KMT2C: variants seen among roughly 807,000 people sequenced by gnomAD.
The protein encoded by KMT2C is histone-lysine N-methyltransferase 2C.
In KMT2C, 88 loss-of-function variants were observed where a neutral mutation model predicts 507.9. That is an observed-to-expected ratio of 0.17 (90% confidence interval 0.15 to 0.21). KMT2C has a LOEUF of 0.21. Among genes scored for constraint, KMT2C ranks in the 10% least tolerant of loss-of-function variants. The probability of loss-of-function intolerance (pLI) is 1.00; values close to 1 mark genes in which losing one functional copy is unlikely to be tolerated. For missense variants in KMT2C, 4,954 were observed against 5,957.8 expected (o/e 0.83, Z 5.55); for synonymous variants, 2,049 against 2,080.8 (o/e 0.98, Z 0.42).
chr7:152,280,009 G>A (rs1355169026), intron 6 of KMT2C, among the ~76,000 whole-genome samples: 13 of 152,306 alleles, frequency 8.5e-5, no homozygotes, highest in Admixed American at 2.0e-4. Context: ...GAATTCTGCA[G>A]ATGTGATTAA....
intron 1 of KMT2C, among the ~76,000 whole-genome samples, chr7:152,378,081 C>A (rs971882695): frequency 5.9e-5 from 9 of 152,244 alleles, no homozygotes; most frequent in Middle Eastern, 3.4e-3. Context: ...AAAGTGGTTT[C>A]TTAAAGATGG....
chr7:152,138,760 G>T lies in KMT2C; in HGVS notation c.14643+36C>A. 1 of 1,304,116 alleles carries T rather than the reference G, an allele frequency of 7.7e-7. No individual in the cohort carries two copies. The highest frequency in any genetic ancestry group is 1.3e-5 in the South Asian group (1 of 75,024). The allele number at this position is 1,304,116 out of a possible 1,614,324, so 80.8% of individuals were successfully genotyped here. On this transcript the variant is annotated intron_variant, in intron 58 of 58. Transcript: ENST00000262189. The surrounding 1 kb of genome is among the most constrained non-coding windows in gnomAD (Gnocchi z 4.2). ...GGAGGGAACTATTCGCCCAGGATCT[G>T]AACAACATGGCAGATGCAATCTCTC...
At chr7:152,418,651 C>A (rs1259985214) in intron 1 of KMT2C, among the ~76,000 whole-genome samples, 1 of 151,776 alleles carries the variant, frequency 6.6e-6, no homozygotes, top group Admixed American at 6.6e-5. Flanking sequence ...AGGCTGGTCT[C>A]GAACTCCTGA....
intron 27 of KMT2C, among the ~76,000 whole-genome samples, chr7:152,198,648 A>G (rs2094037263): frequency 6.6e-6 from 1 of 152,158 alleles, no homozygotes; most frequent in Non-Finnish European, 1.5e-5. Context: ...CTGATTGTTA[A>G]TAGTTCCTGC....
intron 7 of KMT2C, among the ~76,000 whole-genome samples, chr7:152,268,193 C>T (rs1288489655): frequency 6.6e-6 from 1 of 152,110 alleles, no homozygotes; most frequent in Non-Finnish European, 1.5e-5. Context: ...GCAGGAGAAT[C>T]GCTTGAACTC....
Position 152,263,235 on chromosome 7 carries a change from T to C in KMT2C, c.1185-105A>G, listed in dbSNP as rs2095808970. 9.2e-6 allele frequency: 8 copies of C among 870,456 alleles called. No individual in the cohort carries two copies. In the South Asian group the frequency reaches 1.1e-4, roughly 12 times the overall value. 53.9% of individuals were successfully genotyped at this position (870,456 alleles called of 1,614,324 possible). On this transcript the variant is annotated intron_variant, in intron 8 of 58. Transcript: ENST00000262189. ...TCCTGGGAACTGCACAGTTCATAAA[T>C]ACCTCAGTATCTGTTTTGTCTCTGC...
chr7:152,143,175 C>T (rs566682244), intron 55 of KMT2C, among the ~76,000 whole-genome samples: 10 of 152,304 alleles, frequency 6.6e-5, no homozygotes, highest in African/African-American at 2.2e-4. Context: ...AGAGGCAAAG[C>T]ACTAATTCAC....
chr7:152,264,267 A>G (rs2095826409), intron 8 of KMT2C, among the ~76,000 whole-genome samples: 1 of 152,198 alleles, frequency 6.6e-6, no homozygotes, highest in East Asian at 1.9e-4. Context: ...CAGACTGATC[A>G]TGGCAGTTGG....
intron 16 of KMT2C, among the ~76,000 whole-genome samples, chr7:152,231,580 A>G (rs2095114934): frequency 6.6e-6 from 1 of 152,240 alleles, no homozygotes; most frequent in South Asian, 2.1e-4. Flanking sequence ...CAGGAGTTCG[A>G]GACCAGCCTG....
chr7:152,296,787 A>G (rs917499012), intron 6 of KMT2C, among the ~76,000 whole-genome samples: 3 of 151,954 alleles, frequency 2.0e-5, no homozygotes, highest in African/African-American at 7.3e-5. Flanking sequence ...AATTCTGACC[A>G]AGATGGAGTC....
intron 15 of KMT2C, among the ~76,000 whole-genome samples, chr7:152,237,141 C>G (rs2095291365): frequency 6.6e-6 from 1 of 151,900 alleles, no homozygotes; most frequent in Non-Finnish European, 1.5e-5. Flanking sequence ...TTAAAATTAT[C>G]CAGATGCTCA....
chr7:152,286,692 A>G (rs2096303129), intron 6 of KMT2C, among the ~76,000 whole-genome samples: 1 of 152,194 alleles, frequency 6.6e-6, no homozygotes, highest in African/African-American at 2.4e-5. Context: ...ACATAAGACA[A>G]ACAAAAGAAG....
At chr7:152,279,559 G>T (rs1199418799) in intron 6 of KMT2C, among the ~76,000 whole-genome samples, 3 of 152,226 alleles carry the variant, frequency 2.0e-5, no homozygotes, top group Non-Finnish European at 4.4e-5. Flanking sequence ...CCTAATCTAT[G>T]AAATTATTCT....
chr7:152,263,124 C>A lies in KMT2C; in HGVS notation c.1191G>T (p.Ser397=). The change falls in exon 9 of 59, where the codon TCG becomes TCT. Residue 397 remains serine (S), a synonymous_variant. Transcript: ENST00000262189. The part of the protein sequence containing the change: ...ECKVCQNCKQ[S]GEDSKMLVCD... ...ACACTAGCATCTTGCTATCTTCTCCCGATTGTCTAAAAAATAAGATAGCAT... is the reference window on the plus strand; with the variant it reads ...ACACTAGCATCTTGCTATCTTCTCCAGATTGTCTAAAAAATAAGATAGCAT... The A allele has an allele frequency of 6.8e-6, 11 of 1,607,070 alleles. No individual in the cohort carries two copies. The highest frequency in any genetic ancestry group is 9.3e-6 in the Non-Finnish European group (11 of 1,178,242).
At chr7:152,156,462 C>T (rs2092053713) in intron 44 of KMT2C, 116 bp from the exon 45 acceptor site, 1 of 1,293,452 alleles carries the variant, frequency 7.7e-7, no homozygotes. Context: ...GAAATGTAAT[C>T]AAGATGTATC....
rs543259805 is a variant in KMT2C at position 152,284,034 on chromosome 7, G to T, written c.850-10167C>A. Among the ~76,000 whole-genome samples, 306 of 152,142 alleles carry T rather than the reference G, an allele frequency of 2.0e-3. 1 individual carries two copies. Among genetic ancestry groups the T allele is most frequent in the Middle Eastern group, 6.8e-3 (2 of 294 alleles). Reference sequence around the variant, plus strand: ...ATTTAATACTAGTACACTTAGTTTTGATTACTTTGAAATTGAAACAAAAAC... The same window carrying T: ...ATTTAATACTAGTACACTTAGTTTTTATTACTTTGAAATTGAAACAAAAAC... On this transcript the variant is annotated intron_variant, in intron 6 of 58. Transcript: ENST00000262189.
At chr7:152,367,322 C>A in intron 1 of KMT2C, 2 of 947,322 alleles carry the variant, frequency 2.1e-6, no homozygotes, top group Non-Finnish European at 3.3e-6. Context: ...CCCTGACCTG[C>A]ACCTTCGCAG....
chr7:152,238,514 T>C lies in KMT2C; in HGVS notation c.2652+193A>G, dbSNP rs1269865078. Among the ~76,000 whole-genome samples, 3 of 152,114 alleles carry C rather than the reference T, an allele frequency of 2.0e-5. No homozygotes were observed. In the East Asian group the frequency reaches 5.8e-4, roughly 29 times the overall value. The stretch of plus-strand genomic sequence containing the variant: ...TAATCACAACAAAAGGAATTAACCA[T>C]AAAAAGAGGTATTAAAAATGTATAC... On this transcript the variant is annotated intron_variant, in intron 15 of 58. Transcript: ENST00000262189.
chr7:152,415,722 T>C (rs1220595467), intron 1 of KMT2C, among the ~76,000 whole-genome samples: 2 of 151,652 alleles, frequency 1.3e-5, no homozygotes, highest in African/African-American at 2.4e-5. Context: ...CTACTAAAAA[T>C]ACAAAAAAAT....
Sources: allele counts gnomAD v4.1 joint callset (sites outside exome capture counted in the v4.1 genomes callset), GRCh38; gene constraint gnomAD v4.1.1; non-coding constraint Gnocchi (gnomAD v3.1); transcripts MANE v1.5; gene names NCBI Gene and HGNC (gene_info 2026-07-23, HGNC 2026-07-21).